GAA: variants seen among roughly 807,000 people sequenced by gnomAD.
GAA encodes the protein lysosomal alpha-glucosidase.
In GAA, 88 loss-of-function variants were observed where a neutral mutation model predicts 103.9. The ratio of observed to expected loss-of-function variants is 0.85; its 90% CI spans 0.71 to 1.01. The LOEUF is 1.01. Ranked by LOEUF, GAA falls within the 50% of genes least tolerant of loss-of-function variation. GAA has a pLI of 0.00. For synonymous variants in GAA, 572 were observed against 563.1 expected (o/e 1.02, Z -0.22); for missense variants, 1,350 against 1,305.3 (o/e 1.03, Z -0.53).
chr17:80,110,302 C>G (rs984138306), intron 9 of GAA, among the ~76,000 whole-genome samples: 11 of 152,216 alleles, frequency 7.2e-5, no homozygotes, highest in Non-Finnish European at 1.5e-4. Flanking sequence ...GCCCTGCAGA[C>G]CCTCAGTGAG....
Position 80,119,675 on chromosome 17 carries a change from G to A in GAA, c.*344G>A, listed in dbSNP as rs1432024902. ...TCTGTTCCCAGCACCGGAGAAGGGGGTGCTCAGGTGGAGGTGTGGGGTATG... is the reference window on the plus strand; with the variant it reads ...TCTGTTCCCAGCACCGGAGAAGGGGATGCTCAGGTGGAGGTGTGGGGTATG... On this transcript the variant is annotated 3_prime_UTR_variant, in exon 20 of 20. Transcript: ENST00000302262. 8.3e-6 allele frequency: 3 copies of A among 360,144 alleles called. No homozygotes were observed. The highest frequency in any genetic ancestry group is 6.4e-5 in the African/African-American group (3 of 47,082). The allele number at this position is 360,144 out of a possible 1,614,324, so 22.3% of individuals were successfully genotyped here. A position where few individuals can be genotyped will look rare whatever the true frequency, so the allele number is the denominator to read the frequency against.
At chr17:80,110,626 A>G (rs777561958) in intron 9 of GAA, 101 bp from the exon 10 acceptor site, 174 of 984,736 alleles carry the variant, frequency 1.8e-4, no homozygotes, top group Non-Finnish European at 2.5e-4. Context: ...GGCGTCCACT[A>G]AGAGTGAGGC....
Position 80,118,228 on chromosome 17 carries a change from G to C in GAA, c.2517G>C (p.Gln839His). Residue 839 changes from glutamine to histidine, a missense_variant, in exon 18 of 20, where the codon CAG becomes CAC. Gln to His is a conservative substitution (Grantham distance 24). Transcript: ENST00000302262. Reference sequence around the variant, plus strand: ...TCACAACCACAGAGTCCCGCCAGCAGCCCATGGCCCTGGCTGTGGCCCTGA... The same window carrying C: ...TCACAACCACAGAGTCCCGCCAGCACCCCATGGCCCTGGCTGTGGCCCTGA... ...PGLTTTESRQ[Q>H]PMALAVALTK... 1 of 1,613,028 alleles carries C rather than the reference G, an allele frequency of 6.2e-7. No homozygotes were observed. Among genetic ancestry groups the C allele is most frequent in the Non-Finnish European group, 8.5e-7 (1 of 1,179,708 alleles).
chr17:80,106,468 C>T (rs905129186), intron 3 of GAA, among the ~76,000 whole-genome samples: 3 of 146,454 alleles, frequency 2.0e-5, no homozygotes, highest in Non-Finnish European at 3.0e-5. Context: ...GCCAGCTGTG[C>T]AGATGTTGGG....
At position 80,114,606 on chromosome 17, in the gene GAA, G is replaced by A. The variant is rs144031896; in HGVS notation, c.2189+1240G>A. Reference sequence around the variant, plus strand: ...TATCCATGATGAGCCCATCCACGCAGATTTATAATGACCGCCTTATTCAAT... The same window carrying A: ...TATCCATGATGAGCCCATCCACGCAAATTTATAATGACCGCCTTATTCAAT... On this transcript the variant is annotated intron_variant, in intron 15 of 19. Coordinates refer to ENST00000302262, the MANE Select transcript of GAA (RefSeq NM_000152.5). Among the ~76,000 whole-genome samples the A allele has an allele frequency of 2.0e-4, 30 of 151,920 alleles. No individual in the cohort carries two copies. The East Asian group carries it at 5.8e-3, about 29-fold the overall frequency.
rs368741815 is a variant in GAA at position 80,107,853 on chromosome 17, C to T, written c.912C>T (p.Gly304=). Residue 304 remains glycine (G), a synonymous_variant, in exon 5 of 20, where the codon GGC becomes GGT. Transcript: ENST00000302262. ...SHPFYLALED[G]GSAHGVFLLN... is the part of the protein sequence containing the mutation. ...CTTTCTACCTGGCGCTGGAGGACGG[C>T]GGGTCGGCACACGGGGTGTTCCTGC... is the stretch of plus-strand genomic sequence containing the variant. 89 of 1,611,862 alleles carry T rather than the reference C, an allele frequency of 5.5e-5. No homozygotes were observed. The highest frequency in any genetic ancestry group is 1.2e-4 in the Admixed American group (7 of 59,924).
At position 80,107,412 on chromosome 17, in the gene GAA, G is replaced by C. The variant is rs1026293295; in HGVS notation, c.693-145G>C. 4 of 1,056,984 alleles carry C rather than the reference G, an allele frequency of 3.8e-6. No individual in the cohort carries two copies. The East Asian group carries it at 9.5e-5, about 25-fold the overall frequency. 65.5% of individuals were successfully genotyped at this position (1,056,984 alleles called of 1,614,324 possible). ...AAGGGCTGCAGGGCTCGGCACGGCC[G>C]CCTGTCCCAGGGTCAGTGTGCTGCA... On this transcript the variant is annotated intron_variant, in intron 3 of 19. Coordinates refer to ENST00000302262, the MANE Select transcript of GAA (RefSeq NM_000152.5).
intron 5 of GAA, 122 bp downstream of exon 5, chr17:80,108,018 A>G: frequency 9.2e-7 from 1 of 1,088,050 alleles, no homozygotes; most frequent in South Asian, 1.4e-5. Context: ...CTGGGAAATG[A>G]GTCCTATGGG....
In GAA at chr17:80,103,576, G is replaced by A. The variant is rs191712742; in HGVS notation, c.-32-979G>A. On this transcript the variant is annotated intron_variant, in intron 1 of 19. Coordinates refer to ENST00000302262, the MANE Select transcript of GAA (RefSeq NM_000152.5). ...ATAAAATATTAATGTACAGAGAAGC[G>A]AAACAAAGGTCGTTGGTACTTGTTA... 2.8e-3 allele frequency among the ~76,000 whole-genome samples: 432 copies of A among 152,262 alleles called. 2 individuals are homozygous for A. The highest frequency in any genetic ancestry group is 9.9e-3 in the African/African-American group (412 of 41,524).
chr17:80,102,621 G>A (rs2038981232), intron 1 of GAA: 1 of 152,240 alleles, frequency 6.6e-6, no homozygotes, highest in South Asian at 2.1e-4. Flanking sequence ...CTGGAGGGTG[G>A]TGCGAGCAGA....
rs575993782 is a variant in GAA, at chr17:80,112,409, C to T, written c.1755-169C>T. 8 of 859,610 alleles carry T rather than the reference C, an allele frequency of 9.3e-6. No homozygotes were observed. In the East Asian group the frequency reaches 2.1e-4, roughly 23 times the overall value. The allele number at this position is 859,610 out of a possible 1,614,324, so 53.2% of individuals were successfully genotyped here. Reference sequence around the variant, plus strand: ...GCTCACCTACAGGCATCAGGTGGCCCAGACAGAGGCAACTGTGCCCGCAGA... The same window carrying T: ...GCTCACCTACAGGCATCAGGTGGCCTAGACAGAGGCAACTGTGCCCGCAGA... On this transcript the variant is annotated intron_variant, in intron 12 of 19. Coordinates refer to ENST00000302262, the MANE Select transcript of GAA (RefSeq NM_000152.5).
At position 80,113,681 on chromosome 17, in the gene GAA, T is replaced by C. The variant is rs956474042; in HGVS notation, c.2189+315T>C. ...GTCAATTTATTTTTCTTGCATACCATAGAAACATAAGTTCCAGATAAATTA... is the reference window on the plus strand; with the variant it reads ...GTCAATTTATTTTTCTTGCATACCACAGAAACATAAGTTCCAGATAAATTA... On this transcript the variant is annotated intron_variant, in intron 15 of 19. Coordinates refer to ENST00000302262, the MANE Select transcript of GAA (RefSeq NM_000152.5). 3.3e-5 allele frequency among the ~76,000 whole-genome samples: 5 copies of C among 152,280 alleles called. No homozygotes were observed. The South Asian group carries it at 1.0e-3, about 32-fold the overall frequency.
In GAA at chr17:80,112,707, G is replaced by C. The variant is rs780130036; in HGVS notation, c.1884G>C (p.Val628=). 18 of 1,606,782 alleles carry C rather than the reference G, an allele frequency of 1.1e-5. No homozygotes were observed. In the Admixed American group the frequency reaches 2.9e-4, roughly 26 times the overall value. The change falls in exon 13 of 20, where the codon GTG becomes GTC. Residue 628 remains valine, a synonymous_variant. Transcript: ENST00000302262. ...WSSWEQLASS[V]PEILQFNLLG... Reference sequence around the variant, plus strand: ...CCTGGGAGCAGCTCGCCTCCTCCGTGCCAGGTGAGCTCCTACCAGGAGGGG... The same window carrying C: ...CCTGGGAGCAGCTCGCCTCCTCCGTCCCAGGTGAGCTCCTACCAGGAGGGG...
chr17:80,109,334 C>T (rs1030598423), intron 8 of GAA, among the ~76,000 whole-genome samples: 4 of 152,226 alleles, frequency 2.6e-5, no homozygotes, highest in African/African-American at 9.6e-5. Context: ...CAAAGCAGGA[C>T]TCTTGAGTCA....
intron 9 of GAA, 97 bp downstream of exon 9, chr17:80,110,152 C>A: frequency 1.0e-6 from 1 of 962,346 alleles, no homozygotes; most frequent in East Asian, 2.5e-5. Flanking sequence ...TTTGAGGAGC[C>A]ATCACGCCCA....
intron 3 of GAA, among the ~76,000 whole-genome samples, chr17:80,107,010 G>A (rs1259538927): frequency 1.3e-5 from 2 of 152,148 alleles, no homozygotes; most frequent in Admixed American, 6.5e-5. Flanking sequence ...GTGTGAGCCC[G>A]TCCTGCGAAA....
intron 19 of GAA, 82 bp downstream of exon 19, chr17:80,118,887 C>A: frequency 6.6e-7 from 1 of 1,516,880 alleles, no homozygotes; most frequent in South Asian, 1.2e-5. Context: ...TCCTGGTGAC[C>A]GATGCCAGGA....
intron 3 of GAA, 36 bp from the exon 4 acceptor site, chr17:80,107,521 G>A: frequency 6.2e-7 from 1 of 1,612,528 alleles, no homozygotes. Flanking sequence ...GTGGCCCCTT[G>A]GGTGTGAGCA....
chr17:80,107,676 C>G lies in GAA; in HGVS notation c.812C>G (p.Thr271Ser). Residue 271 changes from threonine (T) to serine (S), a missense_variant, in exon 4 of 20, where the codon ACC becomes AGC. Coordinates refer to ENST00000302262, the MANE Select transcript of GAA (RefSeq NM_000152.5). ...CACCTCAGTCCCCTGATGCTCAGCA[C>G]CAGCTGGACCAGGATCACCCTGTGG... ...AEHLSPLMLSTSWTRITLWNR... is the reference protein window; with the variant it reads ...AEHLSPLMLSSSWTRITLWNR... 6.2e-7 allele frequency: 1 copy of G among 1,613,006 alleles called. No homozygotes were observed. The highest frequency in any genetic ancestry group is 8.5e-7 in the Non-Finnish European group (1 of 1,179,884).
Sources: allele counts gnomAD v4.1 joint callset (sites outside exome capture counted in the v4.1 genomes callset), GRCh38; gene constraint gnomAD v4.1.1; transcripts MANE v1.5; gene names NCBI Gene and HGNC (gene_info 2026-07-23, HGNC 2026-07-21).